Variants in PTPRD observed in about 807,000 individuals in gnomAD.
PTPRD encodes the protein receptor-type tyrosine-protein phosphatase delta.
In PTPRD, 34 loss-of-function variants were observed where a neutral mutation model predicts 214.5. The ratio of observed to expected loss-of-function variants is 0.16; its 90% confidence interval spans 0.12 to 0.21. The LOEUF is 0.21. PTPRD is among the 10% of genes least tolerant of loss of function. PTPRD has a pLI of 1.00. For missense variants in PTPRD, 2,545 were observed against 2,398.7 expected (o/e 1.06, Z -1.27); for synonymous variants, 1,128 against 845.7 (o/e 1.33, Z -5.79).
At chr9:9,191,252 C>T (rs761460078) in intron 9 of PTPRD, among the ~76,000 whole-genome samples, 1 of 152,178 alleles carries the variant, frequency 6.6e-6, no homozygotes, top group East Asian at 1.9e-4. Context: ...CTTTCGCTTA[C>T]GACAGAGACT....
chr9:8,903,066 C>T (rs2098682673), intron 11 of PTPRD, among the ~76,000 whole-genome samples: 1 of 151,908 alleles, frequency 6.6e-6, no homozygotes, highest in Non-Finnish European at 1.5e-5. Context: ...GAAAATCTCA[C>T]CACGTTTAGG....
intron 9 of PTPRD, among the ~76,000 whole-genome samples, chr9:9,314,112 T>C (rs1961017121): frequency 6.6e-6 from 1 of 152,120 alleles, no homozygotes; most frequent in African/African-American, 2.4e-5. Flanking sequence ...TATTTGTTTG[T>C]TTGAAGGTGG....
chr9:10,070,126 G>C (rs2097972670), intron 3 of PTPRD, among the ~76,000 whole-genome samples: 1 of 152,012 alleles, frequency 6.6e-6, no homozygotes, highest in Non-Finnish European at 1.5e-5. Flanking sequence ...ACCAACATAG[G>C]ACTAATATAT....
At chr9:8,347,896 C>G (rs919660780) in intron 39 of PTPRD, among the ~76,000 whole-genome samples, 3 of 152,152 alleles carry the variant, frequency 2.0e-5, no homozygotes, top group Non-Finnish European at 4.4e-5. Flanking sequence ...TTCCAGCATC[C>G]TGAATGGTGA....
At chr9:9,258,617 G>A (rs576573130) in intron 9 of PTPRD, among the ~76,000 whole-genome samples, 1 of 151,842 alleles carries the variant, frequency 6.6e-6, no homozygotes, top group East Asian at 2.0e-4. Flanking sequence ...AGTATAATTT[G>A]GGGAGTTTTT....
At chr9:8,978,962 C>G (rs1394393468) in intron 11 of PTPRD, among the ~76,000 whole-genome samples, 1 of 152,090 alleles carries the variant, frequency 6.6e-6, no homozygotes, top group East Asian at 1.9e-4. Flanking sequence ...TCCAATGAGG[C>G]TGCCATCTTT....
intron 5 of PTPRD, among the ~76,000 whole-genome samples, chr9:9,873,185 G>A (rs2065939935): frequency 6.6e-6 from 1 of 152,112 alleles, no homozygotes; most frequent in African/African-American, 2.4e-5. Context: ...CATCACCAAT[G>A]TATTGGGAAC....
chr9:8,327,381 G>A (rs530572176), intron 44 of PTPRD, among the ~76,000 whole-genome samples: 3 of 151,212 alleles, frequency 2.0e-5, no homozygotes, highest in East Asian at 2.0e-4. Flanking sequence ...TAATTTGATT[G>A]CACTGTGGTC....
At chr9:9,400,826 G>C (rs2070091540) in intron 8 of PTPRD, among the ~76,000 whole-genome samples, 1 of 152,014 alleles carries the variant, frequency 6.6e-6, no homozygotes, top group Admixed American at 6.6e-5. Context: ...TCTCTTAAAA[G>C]AAGTTTCCTG....
chr9:10,025,854 C>T (rs2096913105), intron 4 of PTPRD, among the ~76,000 whole-genome samples: 1 of 152,132 alleles, frequency 6.6e-6, no homozygotes, highest in African/African-American at 2.4e-5. Context: ...AACACCTGTG[C>T]TACAGTTCAC....
intron 11 of PTPRD, among the ~76,000 whole-genome samples, chr9:8,818,873 G>A (rs1000869792): frequency 3.3e-5 from 5 of 152,000 alleles, no homozygotes; most frequent in Non-Finnish European, 5.9e-5. Flanking sequence ...CTGTTTGTTC[G>A]TACAACAGAT....
chr9:9,157,914 T>G (rs372299106), intron 10 of PTPRD, among the ~76,000 whole-genome samples: 2 of 152,124 alleles, frequency 1.3e-5, no homozygotes, highest in Non-Finnish European at 2.9e-5. Context: ...TATTTCCCAC[T>G]GTGTGTTCAT....
chr9:8,550,510 G>T (rs1485757050), intron 14 of PTPRD, among the ~76,000 whole-genome samples: 1 of 152,072 alleles, frequency 6.6e-6, no homozygotes, highest in Non-Finnish European at 1.5e-5. Context: ...ATCTTAGTTG[G>T]TTAAATGACC....
At chr9:8,485,358 A>G (rs1161270070) in intron 28 of PTPRD, 34 bp from the exon 29 acceptor site, 1 of 1,494,702 alleles carries the variant, frequency 6.7e-7, no homozygotes, top group Non-Finnish European at 9.3e-7. Flanking sequence ...TATTTAAACT[A>G]TTCTTAAAAC....
At chr9:9,807,461 T>C (rs1598391062) in intron 5 of PTPRD, among the ~76,000 whole-genome samples, 1 of 152,062 alleles carries the variant, frequency 6.6e-6, no homozygotes, top group African/African-American at 2.4e-5. Context: ...TGTGGGAAGA[T>C]TTCAGAGAAA....
At chr9:10,071,186 A>G (rs2098005800) in intron 3 of PTPRD, among the ~76,000 whole-genome samples, 1 of 152,000 alleles carries the variant, frequency 6.6e-6, no homozygotes, top group African/African-American at 2.4e-5. Context: ...CAAGATGTCA[A>G]TTTTTCCCTA....
intron 44 of PTPRD, among the ~76,000 whole-genome samples, chr9:8,326,165 C>A (rs11535417): frequency 0.098 from 14,952 of 152,236 alleles, 843 homozygotes; most frequent in African/African-American, 0.14. Flanking sequence ...AAAGGGAGTG[C>A]TTCCAGTTTT....
rs2094522302 is a variant in PTPRD, at chr9:9,964,052, A to AGAGACG, written c.-471-25443_-471-25442insCGTCTC. 2.6e-5 allele frequency among the ~76,000 whole-genome samples: 4 copies of AGAGACG among 152,298 alleles called. No homozygotes were observed. In the South Asian group the frequency reaches 6.2e-4, roughly 24 times the overall value. ...GACACAGACAGAGCCAGACAGAGGC[A>AGAGACG]GAGGCAGGCAGAGACGGAGGCAGAG... On this transcript the variant is annotated intron_variant, in intron 4 of 45. Coordinates refer to ENST00000381196, the MANE Select transcript of PTPRD (RefSeq NM_002839.4).
intron 7 of PTPRD, among the ~76,000 whole-genome samples, chr9:9,676,562 T>C (rs1250057732): frequency 6.6e-6 from 1 of 152,148 alleles, no homozygotes; most frequent in Non-Finnish European, 1.5e-5. Flanking sequence ...GTCTTTGTTA[T>C]TGTGAATAGT....
Sources: gnomAD v4.1 joint callset for allele counts (sites outside exome capture counted in the v4.1 genomes callset) on GRCh38, gnomAD v4.1.1 for gene constraint, MANE v1.5 for transcripts, NCBI Gene and HGNC (gene_info 2026-07-23, HGNC 2026-07-21) for gene names.